Variants in SGCZ observed in about 807,000 individuals in gnomAD.
The protein encoded by SGCZ is zeta-sarcoglycan.
A neutral mutation model predicts 41.3 loss-of-function variants in SGCZ; 40 were observed. The observed-to-expected ratio is 0.97, with a 90% CI of 0.75 to 1.26. The LOEUF (loss-of-function observed/expected upper bound fraction) is 1.26, where lower values mean the gene tolerates loss of function less well. SGCZ is among the 50% of genes most tolerant of loss of function. The pLI, the probability that SGCZ is intolerant of heterozygous loss-of-function variation, is 0.00. For missense variants in SGCZ, 552 were observed against 369.8 expected (o/e 1.49, Z -4.04); for synonymous variants, 206 against 137.5 (o/e 1.50, Z -3.49).
chr8:14,122,600 G>T (rs1253124357), intron 5 of SGCZ, among the ~76,000 whole-genome samples: 1 of 152,158 alleles, frequency 6.6e-6, no homozygotes, highest in Non-Finnish European at 1.5e-5. Context: ...GAACACTAGT[G>T]AATTGAGTAA....
At chr8:15,172,160 T>TTTTTATTTCTTTA (rs754523188) in intron 1 of SGCZ, among the ~76,000 whole-genome samples, 1 of 104,994 alleles carries the variant, frequency 9.5e-6, no homozygotes, top group Admixed American at 9.8e-5. Context: ...CTCTGTTTTT[T>TTTTTATTTCTTTA]TTTTTTTTTT....
At chr8:15,112,637 T>C (rs6982470) in intron 1 of SGCZ, among the ~76,000 whole-genome samples, 27,469 of 152,174 alleles carry the variant, frequency 0.18, 2,688 homozygotes, top group East Asian at 0.27. Flanking sequence ...ATGCTTGTTA[T>C]TGAAACACAG....
At chr8:15,151,634 A>C (rs1799182404) in intron 1 of SGCZ, among the ~76,000 whole-genome samples, 1 of 152,214 alleles carries the variant, frequency 6.6e-6, no homozygotes, top group South Asian at 2.1e-4. Flanking sequence ...AATACTTCAA[A>C]CTATTTTCAC....
At chr8:14,809,933 T>C (rs1309935318) in intron 1 of SGCZ, among the ~76,000 whole-genome samples, 3 of 152,160 alleles carry the variant, frequency 2.0e-5, no homozygotes, top group Admixed American at 1.3e-4. Context: ...GATATTTAGA[T>C]ACTTAGAATC....
intron 1 of SGCZ, among the ~76,000 whole-genome samples, chr8:15,222,535 G>T (rs894506307): frequency 6.6e-6 from 1 of 152,188 alleles, no homozygotes; most frequent in African/African-American, 2.4e-5. Context: ...ATGATTTAAT[G>T]TATTAGCTTT....
At chr8:14,866,731 G>C (rs1803946438) in intron 1 of SGCZ, among the ~76,000 whole-genome samples, 1 of 151,924 alleles carries the variant, frequency 6.6e-6, no homozygotes, top group African/African-American at 2.4e-5. Flanking sequence ...GATAGCCTGA[G>C]ACCCAGAAGA....
chr8:14,442,019 G>T (rs1193263180), intron 2 of SGCZ, among the ~76,000 whole-genome samples: 14 of 152,158 alleles, frequency 9.2e-5, no homozygotes, highest in Non-Finnish European at 2.9e-5. Flanking sequence ...CCCCTGCTGG[G>T]GATAACACTG....
chr8:14,870,534 T>G (rs1435951163), intron 1 of SGCZ, among the ~76,000 whole-genome samples: 1 of 152,102 alleles, frequency 6.6e-6, no homozygotes, highest in Non-Finnish European at 1.5e-5. Context: ...GAGCAAAGAC[T>G]TCATGACTGA....
intron 2 of SGCZ, among the ~76,000 whole-genome samples, chr8:14,325,648 C>T (rs1447257778): frequency 2.2e-5 from 3 of 139,510 alleles, no homozygotes; most frequent in Non-Finnish European, 4.7e-5. Flanking sequence ...CACATATAAT[C>T]AATGATATAT....
intron 1 of SGCZ, among the ~76,000 whole-genome samples, chr8:15,077,078 A>G (rs569437022): frequency 6.6e-6 from 1 of 152,318 alleles, no homozygotes; most frequent in African/African-American, 2.4e-5. Context: ...ACTTGTTTGG[A>G]ATATTCTTGT....
At chr8:14,514,604 A>C (rs1802557621) in intron 2 of SGCZ, among the ~76,000 whole-genome samples, 3 of 150,396 alleles carry the variant, frequency 2.0e-5, no homozygotes, top group Non-Finnish European at 3.0e-5. Flanking sequence ...ATAAATATAT[A>C]TCTCTCACAT....
intron 1 of SGCZ, among the ~76,000 whole-genome samples, chr8:14,613,372 T>A (rs1805991665): frequency 6.6e-6 from 1 of 152,178 alleles, no homozygotes; most frequent in Non-Finnish European, 1.5e-5. Context: ...TTTAGGTGGA[T>A]AATTAACAAA....
intron 1 of SGCZ, among the ~76,000 whole-genome samples, chr8:14,657,373 T>A (rs749203786): frequency 1.3e-5 from 2 of 152,086 alleles, no homozygotes; most frequent in African/African-American, 2.4e-5. Flanking sequence ...AGCATAACTA[T>A]ATATGCATCA....
intron 3 of SGCZ, among the ~76,000 whole-genome samples, chr8:14,304,767 A>C (rs1051122923): frequency 6.6e-6 from 1 of 152,208 alleles, no homozygotes; most frequent in Non-Finnish European, 1.5e-5. Flanking sequence ...TTTGAAAACT[A>C]TAAGGCTATT....
chr8:14,740,596 G>C (rs1051764316), intron 1 of SGCZ, among the ~76,000 whole-genome samples: 1 of 151,998 alleles, frequency 6.6e-6, no homozygotes, highest in African/African-American at 2.4e-5. Context: ...CACTAATTAA[G>C]AGCTGACATA....
intron 1 of SGCZ, among the ~76,000 whole-genome samples, chr8:14,598,584 T>C (rs971746031): frequency 3.3e-5 from 5 of 151,944 alleles, no homozygotes; most frequent in African/African-American, 1.2e-4. Context: ...TGGAGTGCAG[T>C]GGTGCAATCG....
chr8:14,308,614 TA>T (rs914710123), intron 3 of SGCZ, among the ~76,000 whole-genome samples: 3 of 151,776 alleles, frequency 2.0e-5, no homozygotes, highest in African/African-American at 4.8e-5. Context: ...ATGCCACGTC[TA>T]AAAAAAATTT....
At chr8:15,002,083 A>C (rs1802446383) in intron 1 of SGCZ, among the ~76,000 whole-genome samples, 1 of 152,178 alleles carries the variant, frequency 6.6e-6, no homozygotes, top group Non-Finnish European at 1.5e-5. Flanking sequence ...TGAAAATGGC[A>C]GTCAAATGTG....
At chr8:14,855,628 A>T (rs1310029473) in intron 1 of SGCZ, among the ~76,000 whole-genome samples, 1 of 152,194 alleles carries the variant, frequency 6.6e-6, no homozygotes. Flanking sequence ...CTAAAAAGTT[A>T]TCAAAAATAC....
Sources: gnomAD v4.1 joint callset for allele counts (sites outside exome capture counted in the v4.1 genomes callset) on GRCh38, gnomAD v4.1.1 for gene constraint, MANE v1.5 for transcripts, NCBI Gene and HGNC (gene_info 2026-07-23, HGNC 2026-07-21) for gene names.